The following DGKB variants were observed in gnomAD, a reference collection of about 807,000 sequenced individuals.
The protein encoded by DGKB is diacylglycerol kinase beta, also known as 90 kDa diacylglycerol kinase.
DGKB carries 67 observed loss-of-function variants against 114.3 expected under a neutral mutation model. The ratio of observed to expected loss-of-function variants is 0.59; its 90% CI spans 0.48 to 0.72. DGKB has a LOEUF of 0.72. Ranked by LOEUF, DGKB falls within the 30% of genes least tolerant of loss-of-function variation. DGKB has a pLI of 0.00. For missense variants in DGKB, 907 were observed against 975.2 expected (o/e 0.93, Z 0.93); for synonymous variants, 398 against 323.1 (o/e 1.23, Z -2.49).
intron 16 of DGKB, among the ~76,000 whole-genome samples, chr7:14,612,154 C>CTATTTTATTTTATTTTATTTTATTTT (rs1554545340): frequency 1.4e-5 from 2 of 145,890 alleles, no homozygotes; most frequent in East Asian, 4.3e-4. Context: ...ATCTTATACT[C>CTATTTTATTTTATTTTATTTTATTTT]ATTTTATTTT....
chr7:14,387,840 T>G (rs996194206), intron 21 of DGKB, among the ~76,000 whole-genome samples: 1 of 152,080 alleles, frequency 6.6e-6, no homozygotes, highest in African/African-American at 2.4e-5. Flanking sequence ...TATTCCCATT[T>G]TATAGGTTAG....
chr7:14,584,004 C>T (rs574932382), intron 17 of DGKB, among the ~76,000 whole-genome samples: 189 of 152,258 alleles, frequency 1.2e-3, no homozygotes, highest in African/African-American at 4.4e-3. Context: ...TACGTACTTA[C>T]GTATACAAAT....
chr7:14,307,968 C>T (rs1367176433), intron 23 of DGKB, among the ~76,000 whole-genome samples: 2 of 98,344 alleles, frequency 2.0e-5, no homozygotes, highest in Non-Finnish European at 3.6e-5. Flanking sequence ...TCAGTAAGAA[C>T]CTTTTTAAAT....
At chr7:14,176,978 A>T (rs1191647589) in intron 24 of DGKB, 79 bp from the exon 25 acceptor site, 4 of 1,549,048 alleles carry the variant, frequency 2.6e-6, no homozygotes, top group Non-Finnish European at 2.7e-6. Context: ...TAAGATGATG[A>T]GACCAGGGAA....
chr7:14,346,305 C>T (rs1583315617), intron 21 of DGKB, among the ~76,000 whole-genome samples: 1 of 151,862 alleles, frequency 6.6e-6, no homozygotes. Context: ...TGGAAAATGA[C>T]ATTAAACCTA....
chr7:14,753,781 A>T (rs1834455689), intron 4 of DGKB, 147 bp downstream of exon 4: 2 of 598,084 alleles, frequency 3.3e-6, no homozygotes, highest in African/African-American at 1.9e-5. Flanking sequence ...GCTTAGTTAT[A>T]ACCTATGAGT....
intron 17 of DGKB, among the ~76,000 whole-genome samples, chr7:14,602,477 G>A (rs1412855572): frequency 7.2e-5 from 11 of 152,154 alleles, no homozygotes; most frequent in Non-Finnish European, 1.5e-4. Flanking sequence ...GTATTGGGAG[G>A]TGGGGTACTG....
intron 25 of DGKB, among the ~76,000 whole-genome samples, chr7:14,168,715 T>C (rs557578319): frequency 6.6e-6 from 1 of 152,322 alleles, no homozygotes; most frequent in South Asian, 2.1e-4. Context: ...TCAGAAGAGC[T>C]GGATGCAGGC....
At chr7:14,583,579 C>T (rs1800277294) in intron 17 of DGKB, among the ~76,000 whole-genome samples, 2 of 152,078 alleles carry the variant, frequency 1.3e-5, no homozygotes, top group Non-Finnish European at 2.9e-5. Context: ...ATGTCTTTAA[C>T]AATGTTCTAC....
rs368810111 is a variant in DGKB at position 14,552,439 on chromosome 7, T to C, written c.1770+21773A>G. 1.2e-3 allele frequency among the ~76,000 whole-genome samples: 179 copies of C among 152,286 alleles called. 4 individuals carry two copies. The South Asian group carries it at 0.033, about 28-fold the overall frequency. ...AATGTTTATTCAACAATGCCATTTG[T>C]AAAGCCCAGTAAGTGACCCATAAAG... On this transcript the variant is annotated intron_variant, in intron 20 of 25. Transcript: ENST00000402815.
chr7:14,315,641 G>C (rs1444420425), intron 23 of DGKB, among the ~76,000 whole-genome samples: 5 of 145,660 alleles, frequency 3.4e-5, no homozygotes, highest in African/African-American at 1.3e-4. Flanking sequence ...AGCAAGTCCT[G>C]AGTGACCTAC....
chr7:14,571,553 T>C (rs1368699816), intron 20 of DGKB, among the ~76,000 whole-genome samples: 4 of 152,184 alleles, frequency 2.6e-5, no homozygotes, highest in Non-Finnish European at 5.9e-5. Flanking sequence ...AACTTCTATA[T>C]ATTCCTGGCT....
At chr7:14,832,782 C>A (rs1458204735) in intron 2 of DGKB, among the ~76,000 whole-genome samples, 1 of 152,046 alleles carries the variant, frequency 6.6e-6, no homozygotes. Context: ...CTTGCTCAAT[C>A]TGCTTCCACT....
chr7:14,892,945 CACACAT>C (rs1781502869), intron 1 of DGKB, among the ~76,000 whole-genome samples: 1 of 149,064 alleles, frequency 6.7e-6, no homozygotes, highest in Non-Finnish European at 1.5e-5. Flanking sequence ...TATATATACA[CACACAT>C]ATGTGTGTGT....
At chr7:14,485,237 A>G (rs1225783519) in intron 20 of DGKB, among the ~76,000 whole-genome samples, 1 of 151,536 alleles carries the variant, frequency 6.6e-6, no homozygotes, top group Non-Finnish European at 1.5e-5. Context: ...GAGCACAGGT[A>G]GCAGCACCTG....
At chr7:14,948,377 G>C (rs1027261336) in intron 1 of DGKB, among the ~76,000 whole-genome samples, 3 of 151,734 alleles carry the variant, frequency 2.0e-5, no homozygotes, top group Non-Finnish European at 2.9e-5. Context: ...ACAACATACA[G>C]TAAGTGTCAT....
At chr7:14,847,240 G>T (rs1235891606) in intron 1 of DGKB, among the ~76,000 whole-genome samples, 3 of 146,564 alleles carry the variant, frequency 2.0e-5, no homozygotes, top group Non-Finnish European at 4.5e-5. Flanking sequence ...GCAGTGAGCC[G>T]AGATGGCGCC....
intron 23 of DGKB, among the ~76,000 whole-genome samples, chr7:14,187,021 TAAATAA>T (rs1368366883): frequency 1.5e-5 from 2 of 135,250 alleles, no homozygotes; most frequent in African/African-American, 6.8e-5. Flanking sequence ...TATGGAAAAA[TAAATAA>T]ATAAATAAAT....
chr7:14,964,363 G>C (rs1258163813), intron 1 of DGKB, among the ~76,000 whole-genome samples: 1 of 152,040 alleles, frequency 6.6e-6, no homozygotes, highest in Non-Finnish European at 1.5e-5. Context: ...AAATTAGCTG[G>C]GTAGATTGCA....
Sources: gnomAD v4.1 joint callset for allele counts (sites outside exome capture counted in the v4.1 genomes callset) on GRCh38, gnomAD v4.1.1 for gene constraint, MANE v1.5 for transcripts, NCBI Gene and HGNC (gene_info 2026-07-23, HGNC 2026-07-21) for gene names.